The following HIVEP3 variants were observed in gnomAD, a reference collection of about 807,000 sequenced individuals.
HIVEP3 encodes transcription factor HIVEP3.
A neutral mutation model predicts 152.8 loss-of-function variants in HIVEP3; 49 were observed. The ratio of observed to expected loss-of-function variants is 0.32; its 90% CI spans 0.26 to 0.41. The LOEUF is 0.41. Ranked by LOEUF, HIVEP3 falls within the 10% of genes least tolerant of loss-of-function variation. The probability of loss-of-function intolerance (pLI) is 1.00; values close to 1 mark genes in which losing one functional copy is unlikely to be tolerated. For synonymous variants in HIVEP3, 1,269 were observed against 1,289.0 expected, an observed-to-expected ratio of 0.98 and a Z score of 0.33; for missense variants, 2,790 against 3,103.3, an observed-to-expected ratio of 0.90 and a Z score of 2.40.
At chr1:41,971,516 T>C (rs1645229032) in intron 1 of HIVEP3, among the ~76,000 whole-genome samples, 3 of 152,136 alleles carry the variant, frequency 2.0e-5, no homozygotes, top group Admixed American at 1.3e-4. Context: ...GATGATAATA[T>C]TTGAGGGTGC....
At chr1:41,851,960 T>G (rs1356986934) in intron 1 of HIVEP3, among the ~76,000 whole-genome samples, 1 of 152,198 alleles carries the variant, frequency 6.6e-6, no homozygotes, top group African/African-American at 2.4e-5. Flanking sequence ...TCTCTGAGCC[T>G]CATGGGGCTG....
intron 1 of HIVEP3, among the ~76,000 whole-genome samples, chr1:41,985,668 T>C (rs1342879490): frequency 6.6e-6 from 1 of 152,184 alleles, no homozygotes; most frequent in African/African-American, 2.4e-5. Context: ...TGCTAAATAT[T>C]TCTTGTAAGT....
chr1:41,714,213 C>T (rs998536438), intron 1 of HIVEP3, among the ~76,000 whole-genome samples: 6 of 152,000 alleles, frequency 3.9e-5, no homozygotes, highest in African/African-American at 7.3e-5. Context: ...GGGAATTTAA[C>T]ATCAATAATT....
At chr1:41,572,721 T>A (rs536033430) in intron 5 of HIVEP3, among the ~76,000 whole-genome samples, 3 of 152,212 alleles carry the variant, frequency 2.0e-5, no homozygotes, top group Admixed American at 2.0e-4. Context: ...AGAAAGAAAT[T>A]AAGGCAAGTT....
At chr1:41,755,266 C>G (rs1327955050) in intron 1 of HIVEP3, among the ~76,000 whole-genome samples, 1 of 152,062 alleles carries the variant, frequency 6.6e-6, no homozygotes, top group Non-Finnish European at 1.5e-5. Flanking sequence ...AAAACATGGA[C>G]CTCAATGCAA....
chr1:41,527,740 T>C (rs1285431339), intron 5 of HIVEP3, among the ~76,000 whole-genome samples: 122 of 65,986 alleles, frequency 1.8e-3, no homozygotes, highest in Middle Eastern at 0.014. Flanking sequence ...ACATGCACCC[T>C]ACACCCTCGC....
intron 5 of HIVEP3, among the ~76,000 whole-genome samples, chr1:41,549,412 T>C (rs982230094): frequency 6.6e-6 from 1 of 152,240 alleles, no homozygotes; most frequent in African/African-American, 2.4e-5. Context: ...CTGGATCAAA[T>C]GGTATTTCTA....
intron 1 of HIVEP3, among the ~76,000 whole-genome samples, chr1:41,705,984 G>C (rs1293605055): frequency 6.6e-6 from 1 of 152,152 alleles, no homozygotes; most frequent in Non-Finnish European, 1.5e-5. Context: ...TGTAAATAAA[G>C]TTTTATTGGG....
intron 3 of HIVEP3, among the ~76,000 whole-genome samples, chr1:41,622,670 A>G (rs991297764): frequency 6.6e-6 from 1 of 152,224 alleles, no homozygotes; most frequent in Non-Finnish European, 1.5e-5. Context: ...CCTGCCATAG[A>G]CGCTGGAAGC....
intron 1 of HIVEP3, among the ~76,000 whole-genome samples, chr1:41,706,160 C>A (rs1054933871): frequency 1.3e-5 from 2 of 152,150 alleles, no homozygotes; most frequent in African/African-American, 4.8e-5. Flanking sequence ...ATCTCATTGC[C>A]CAAGTGTGAA....
intron 1 of HIVEP3, among the ~76,000 whole-genome samples, chr1:42,024,353 C>T (rs1645570707): frequency 6.6e-6 from 1 of 152,120 alleles, no homozygotes; most frequent in Non-Finnish European, 1.5e-5. Context: ...GTTTTCCATT[C>T]CTTTATTTTC....
intron 1 of HIVEP3, among the ~76,000 whole-genome samples, chr1:41,890,815 C>A (rs796769301): frequency 4.6e-5 from 7 of 152,334 alleles, no homozygotes; most frequent in African/African-American, 1.7e-4. Flanking sequence ...GGCCTGTTAA[C>A]CCAGGTCTCT....
intron 1 of HIVEP3, among the ~76,000 whole-genome samples, chr1:41,764,609 G>A (rs904410598): frequency 6.6e-6 from 1 of 152,184 alleles, no homozygotes; most frequent in Non-Finnish European, 1.5e-5. Flanking sequence ...AGATGAATTC[G>A]CCAAGGGCTA....
chr1:42,028,416 C>T (rs963580867), intron 1 of HIVEP3, among the ~76,000 whole-genome samples: 4 of 152,180 alleles, frequency 2.6e-5, no homozygotes, highest in African/African-American at 4.8e-5. Context: ...CTTTCTGCTG[C>T]CCATGATCTT....
At chr1:41,566,725 T>C (rs546268455) in intron 5 of HIVEP3, among the ~76,000 whole-genome samples, 15 of 152,308 alleles carry the variant, frequency 9.8e-5, no homozygotes, top group African/African-American at 3.6e-4. Flanking sequence ...CTCACCGGGC[T>C]GAGCCTCCTT....
At chr1:41,792,120 C>A (rs964023317) in intron 1 of HIVEP3, among the ~76,000 whole-genome samples, 1 of 152,240 alleles carries the variant, frequency 6.6e-6, no homozygotes, top group African/African-American at 2.4e-5. Context: ...TCCACCTGTA[C>A]CTCCGAGGTC....
chr1:41,673,307 C>A (rs1171094004), intron 2 of HIVEP3, among the ~76,000 whole-genome samples: 1 of 152,260 alleles, frequency 6.6e-6, no homozygotes, highest in Non-Finnish European at 1.5e-5. Context: ...TGAGAGAATG[C>A]AAGTTTCCCA....
intron 2 of HIVEP3, among the ~76,000 whole-genome samples, chr1:41,677,745 C>T (rs1035265158): frequency 2.0e-5 from 3 of 152,224 alleles, no homozygotes; most frequent in African/African-American, 4.8e-5. Flanking sequence ...TCTCCGATGA[C>T]GTGAGGTTGG....
chr1:41,563,167 C>G lies in HIVEP3; in HGVS notation c.5207+12377G>C, dbSNP rs550018742. 3.3e-5 allele frequency among the ~76,000 whole-genome samples: 5 copies of G among 151,790 alleles called. 1 individual carries two copies. The highest frequency in any genetic ancestry group is 3.3e-4 in the Admixed American group (5 of 15,224). ...TTTAAGACCAGCCTGGCCAACATGG[C>G]GAAATCCCATCTCTACTAAAAATAC... On this transcript the variant is annotated intron_variant, in intron 5 of 8. Coordinates refer to ENST00000372583, the MANE Select transcript of HIVEP3 (RefSeq NM_024503.5).
Sources: gnomAD v4.1 joint callset for allele counts (sites outside exome capture counted in the v4.1 genomes callset) on GRCh38, gnomAD v4.1.1 for gene constraint, MANE v1.5 for transcripts, NCBI Gene and HGNC (gene_info 2026-07-23, HGNC 2026-07-21) for gene names.